Variants in AGO4 observed in about 807,000 individuals in gnomAD.
AGO4 encodes protein argonaute-4.
In AGO4, 33 loss-of-function variants were observed where a neutral mutation model predicts 104.7. That is an observed-to-expected ratio of 0.32 (90% CI 0.24 to 0.42). The LOEUF is 0.42. AGO4 is among the 10% of genes least tolerant of loss of function. The probability of loss-of-function intolerance (pLI) is 1.00; values close to 1 mark genes in which losing one functional copy is unlikely to be tolerated. For missense variants in AGO4, 711 were observed against 1,083.4 expected (o/e 0.66, Z 4.83); for synonymous variants, 331 against 364.7 (o/e 0.91, Z 1.05).
At chr1:35,836,061 CAA>C in intron 13 of AGO4, 68 bp downstream of exon 13, 1 of 1,511,074 alleles carries the variant, frequency 6.6e-7, no homozygotes, top group Non-Finnish European at 9.0e-7. Flanking sequence ...GGAAAGCACA[CAA>C]ATATTATATA....
At chr1:35,848,494 G>A (rs1237173651) in intron 15 of AGO4, among the ~76,000 whole-genome samples, 1 of 152,096 alleles carries the variant, frequency 6.6e-6, no homozygotes, top group East Asian at 1.9e-4. Context: ...TTCTCTTGAT[G>A]CCCCTGGCTG....
At chr1:35,837,650 G>A (rs551786381) in intron 13 of AGO4, among the ~76,000 whole-genome samples, 37 of 152,100 alleles carry the variant, frequency 2.4e-4, no homozygotes, top group Non-Finnish European at 2.1e-4. Flanking sequence ...GAAGTGCTGG[G>A]ATTACAGGCA....
intron 13 of AGO4, among the ~76,000 whole-genome samples, chr1:35,840,765 G>A (rs1230449426): frequency 1.3e-5 from 2 of 152,176 alleles, no homozygotes; most frequent in African/African-American, 2.4e-5. Context: ...CTACAGGCAG[G>A]CGCTGCCACG....
Position 35,831,568 on chromosome 1 carries a change from A to T in AGO4, c.990A>T (p.Pro330=). 1 of 1,607,676 alleles carries T rather than the reference A, an allele frequency of 6.2e-7. No individual in the cohort carries two copies. Among genetic ancestry groups the T allele is most frequent in the Middle Eastern group, 1.7e-4 (1 of 6,018 alleles). The change falls in exon 8 of 18, where the codon CCA becomes CCT. Residue 330 remains proline (P), a synonymous_variant. Transcript: ENST00000373210. ...VGQEQKHTYL[P]LEVCNIVAGQ... The stretch of plus-strand genomic sequence containing the variant: ...AAGAACAAAAGCATACATACTTGCC[A>T]CTCGAGGTAAGTTAAATTTTCTTTT...
intron 3 of AGO4, among the ~76,000 whole-genome samples, chr1:35,823,252 ATTT>A (rs1175171016): frequency 7.1e-6 from 1 of 141,604 alleles, no homozygotes; most frequent in African/African-American, 2.6e-5. Flanking sequence ...ATTCTTAGAA[ATTT>A]TTTTTTTTTT....
intron 15 of AGO4, among the ~76,000 whole-genome samples, chr1:35,845,875 T>C (rs1409812286): frequency 6.6e-6 from 1 of 152,238 alleles, no homozygotes; most frequent in East Asian, 1.9e-4. Context: ...GTGACCCTGC[T>C]GTCCTCCCTT....
upstream of AGO4, among the ~76,000 whole-genome samples, chr1:35,807,716 C>A (rs914056480): frequency 1.3e-5 from 2 of 152,118 alleles, no homozygotes; most frequent in Non-Finnish European, 2.9e-5. Context: ...GGACTGCTAG[C>A]GTCTAAGGTG....
At chr1:35,851,134 T>G in intron 17 of AGO4, 81 bp downstream of exon 17, 1 of 1,369,584 alleles carries the variant, frequency 7.3e-7, no homozygotes, top group Non-Finnish European at 1.0e-6. Context: ...AAAACTTTTT[T>G]AAGGATTTAA....
At chr1:35,853,216 A>AC (rs1644746779) in intron 17 of AGO4, among the ~76,000 whole-genome samples, 1 of 147,034 alleles carries the variant, frequency 6.8e-6, no homozygotes, top group African/African-American at 2.5e-5. Flanking sequence ...GCGCCACTGA[A>AC]CTCCAGCCTG....
In AGO4 at chr1:35,850,837, T is replaced by G; in HGVS notation, c.2278-17T>G. On this transcript the variant is annotated splice_polypyrimidine_tract_variant and intron_variant, in intron 16 of 17. Transcript: ENST00000373210. ...ACGAACAAAAAAAAAACATTAATCA[T>G]AAAACTCTCTCCTCAGGGAACCAGC... 1.3e-6 allele frequency: 1 copy of G among 790,310 alleles called. No homozygotes were observed. Among genetic ancestry groups the G allele is most frequent in the Non-Finnish European group, 1.9e-6 (1 of 533,762 alleles). 49.0% of individuals were successfully genotyped at this position (790,310 alleles called of 1,614,324 possible).
chr1:35,850,479 G>A (rs951833375), intron 16 of AGO4, among the ~76,000 whole-genome samples: 1 of 151,986 alleles, frequency 6.6e-6, no homozygotes, highest in South Asian at 2.1e-4. Flanking sequence ...CTCGTGTCAT[G>A]TCAGAAATAT....
At chr1:35,842,409 T>C (rs1304545009) in intron 15 of AGO4, among the ~76,000 whole-genome samples, 4 of 152,248 alleles carry the variant, frequency 2.6e-5, no homozygotes, top group Non-Finnish European at 5.9e-5. Context: ...AGAAGATTCA[T>C]AGGGCACAGA....
intron 2 of AGO4, among the ~76,000 whole-genome samples, chr1:35,820,775 A>C (rs1257407663): frequency 6.6e-6 from 1 of 152,166 alleles, no homozygotes; most frequent in Non-Finnish European, 1.5e-5. Context: ...CAATTCTTGG[A>C]ATGATATCCA....
intron 1 of AGO4, among the ~76,000 whole-genome samples, chr1:35,816,499 G>A (rs1643699159): frequency 1.3e-5 from 2 of 152,104 alleles, no homozygotes; most frequent in Non-Finnish European, 2.9e-5. Flanking sequence ...TCAAGAAGAA[G>A]AAGAATAAAT....
chr1:35,849,172 A>G (rs944395802), intron 15 of AGO4, among the ~76,000 whole-genome samples: 3 of 152,110 alleles, frequency 2.0e-5, no homozygotes, highest in African/African-American at 4.8e-5. Context: ...TTGATTTTCA[A>G]ATTTTGTCTG....
intron 2 of AGO4, among the ~76,000 whole-genome samples, chr1:35,818,288 G>A (rs1358275876): frequency 6.6e-6 from 1 of 152,108 alleles, no homozygotes; most frequent in East Asian, 1.9e-4. Flanking sequence ...AGGGATATCT[G>A]CATGAAGAGT....
chr1:35,814,637 TAG>T (rs1643631720), intron 1 of AGO4, among the ~76,000 whole-genome samples: 1 of 152,092 alleles, frequency 6.6e-6, no homozygotes, highest in African/African-American at 2.4e-5. Context: ...GGTTCCCCTA[TAG>T]AGAGAGTCTT....
At chr1:35,826,691 GT>G in intron 6 of AGO4, 56 bp from the exon 7 acceptor site, 1 of 1,407,516 alleles carries the variant, frequency 7.1e-7, no homozygotes, top group Non-Finnish European at 1.0e-6. Flanking sequence ...ATTTGAATCT[GT>G]TTTTGCCACT....
chr1:35,835,006 CTTTTTT>C (rs34516326), intron 12 of AGO4, among the ~76,000 whole-genome samples: 1 of 102,974 alleles, frequency 9.7e-6, no homozygotes, highest in African/African-American at 3.6e-5. Context: ...CAGTTTTAAA[CTTTTTT>C]TTTTTTTTTT....
Sources: allele counts gnomAD v4.1 joint callset (sites outside exome capture counted in the v4.1 genomes callset), GRCh38; gene constraint gnomAD v4.1.1; transcripts MANE v1.5; gene names NCBI Gene and HGNC (gene_info 2026-07-23, HGNC 2026-07-21).